The following GAD2 variants were observed in gnomAD, a reference collection of about 807,000 sequenced individuals.
GAD2 encodes 65 kDa glutamic acid decarboxylase.
Under a neutral mutation model 80.1 loss-of-function variants are expected in GAD2, and 22 were observed. The observed-to-expected ratio is 0.27, with a 90% CI of 0.20 to 0.39. The LOEUF (loss-of-function observed/expected upper bound fraction) is 0.39. GAD2 is among the 10% of genes least tolerant of loss of function. GAD2 has a pLI of 1.00. For missense variants in GAD2, 624 were observed against 738.4 expected (o/e 0.85, Z 1.80); for synonymous variants, 274 against 256.9 (o/e 1.07, Z -0.64).
At chr10:26,269,681 A>G (rs1414054306) in intron 9 of GAD2, among the ~76,000 whole-genome samples, 1 of 152,232 alleles carries the variant, frequency 6.6e-6, no homozygotes, top group Admixed American at 6.5e-5. Flanking sequence ...CTAGAAAGTC[A>G]TTTACAACCT....
chr10:26,247,542 C>G (rs536558106), intron 8 of GAD2, among the ~76,000 whole-genome samples: 7 of 152,226 alleles, frequency 4.6e-5, no homozygotes, highest in South Asian at 2.1e-4. Flanking sequence ...CAAGCCTTAG[C>G]AGAGGCATGG....
chr10:26,279,343 C>A (rs1213481175), intron 11 of GAD2, among the ~76,000 whole-genome samples: 1 of 152,162 alleles, frequency 6.6e-6, no homozygotes, highest in Non-Finnish European at 1.5e-5. Context: ...GAGGAAACAG[C>A]ATGATGAGAC....
Position 26,217,720 on chromosome 10 carries a change from A to G in GAD2, c.136+51A>G, listed in dbSNP as rs1844395204. ...CAAGGTCGGCCCGCGGGGTCCAAGC[A>G]GTCTTCTCACCTCCGCATCCCAGTC... On this transcript the variant is annotated intron_variant, in intron 2 of 15. Coordinates refer to ENST00000376261, the MANE Select transcript of GAD2 (RefSeq NM_001134366.2). This position sits in a 1 kb window ranked among gnomAD's most constrained non-coding sequence, Gnocchi z 4.9. 6.2e-7 allele frequency: 1 copy of G among 1,600,630 alleles called. No individual in the cohort carries two copies. The highest frequency in any genetic ancestry group is 8.5e-7 in the Non-Finnish European group (1 of 1,172,980).
intron 3 of GAD2, among the ~76,000 whole-genome samples, chr10:26,218,688 G>A (rs8190599): frequency 3.4e-4 from 52 of 152,106 alleles, no homozygotes; most frequent in African/African-American, 1.0e-3. Context: ...CACTTCTGAC[G>A]TGAAATATTT....
chr10:26,253,701 C>A (rs1194911823), intron 8 of GAD2, among the ~76,000 whole-genome samples: 5 of 152,130 alleles, frequency 3.3e-5, no homozygotes, highest in Non-Finnish European at 5.9e-5. Flanking sequence ...TGGATGTAGT[C>A]CAGTCTAGCG....
chr10:26,272,537 G>T (rs1214000030), intron 10 of GAD2, among the ~76,000 whole-genome samples: 1 of 136,542 alleles, frequency 7.3e-6, no homozygotes, highest in East Asian at 2.0e-4. Context: ...TCTTAAAATA[G>T]TACACGTTTG....
chr10:26,270,819 A>G, intron 10 of GAD2, 63 bp downstream of exon 10: 1 of 1,052,028 alleles, frequency 9.5e-7, no homozygotes, highest in Non-Finnish European at 1.5e-6. Context: ...TGGGACACAC[A>G]AAGGAAATTT....
At chr10:26,297,317 T>C (rs1834285190) in intron 15 of GAD2, among the ~76,000 whole-genome samples, 1 of 152,240 alleles carries the variant, frequency 6.6e-6, no homozygotes. Context: ...AAAGAGGTTT[T>C]CTAAGACATA....
At chr10:26,271,418 A>C (rs1738129964) in intron 10 of GAD2, among the ~76,000 whole-genome samples, 1 of 152,204 alleles carries the variant, frequency 6.6e-6, no homozygotes, top group Admixed American at 6.5e-5. Flanking sequence ...AAGGGATTTA[A>C]GTTTAGATTA....
At chr10:26,230,764 T>C (rs1220692885) in intron 7 of GAD2, among the ~76,000 whole-genome samples, 1 of 151,944 alleles carries the variant, frequency 6.6e-6, no homozygotes, top group Admixed American at 6.6e-5. Flanking sequence ...CATCTTTGGC[T>C]GACTTGACCA....
At chr10:26,216,660 G>GT (rs1461304873), upstream of GAD2, 1 of 508,312 alleles carries the variant, frequency 2.0e-6, no homozygotes, top group African/African-American at 2.1e-5. This position sits in a 1 kb window ranked among gnomAD's most constrained non-coding sequence, Gnocchi z 4.7. Context: ...CTGTTCCTGC[G>GT]TGACACCCGC....
At chr10:26,226,388 C>T (rs1292663826) in intron 6 of GAD2, among the ~76,000 whole-genome samples, 5 of 152,322 alleles carry the variant, frequency 3.3e-5, no homozygotes, top group African/African-American at 1.2e-4. Flanking sequence ...TTATAGGCTT[C>T]CTTGGAGCCT....
chr10:26,299,054 A>G (rs934660119), intron 15 of GAD2, among the ~76,000 whole-genome samples: 1 of 152,208 alleles, frequency 6.6e-6, no homozygotes, highest in African/African-American at 2.4e-5. Context: ...AACTCAATGT[A>G]GAGTCAGAAG....
intron 8 of GAD2, among the ~76,000 whole-genome samples, chr10:26,264,011 C>T (rs975858673): frequency 6.6e-6 from 1 of 152,160 alleles, no homozygotes; most frequent in African/African-American, 2.4e-5. Context: ...AATCTGCCTC[C>T]TGCTAGCTGT....
rs8190763 is a variant in GAD2, at chr10:26,285,253, C to T, written c.1237-1092C>T. Among the ~76,000 whole-genome samples, 1,208 of 152,230 alleles carry T rather than the reference C, an allele frequency of 7.9e-3. 19 individuals carry two copies. Among genetic ancestry groups the T allele is most frequent in the African/African-American group, 0.027 (1,136 of 41,528 alleles). Reference sequence around the variant, plus strand: ...TCTGTTGTCTACCATTTCAGCACTCCGTCTTTCAAAACCAAATTAAAATTG... The same window carrying T: ...TCTGTTGTCTACCATTTCAGCACTCTGTCTTTCAAAACCAAATTAAAATTG... On this transcript the variant is annotated intron_variant, in intron 12 of 15. Transcript: ENST00000376261.
At chr10:26,287,334 AG>A (rs1031397807) in intron 13 of GAD2, among the ~76,000 whole-genome samples, 34 of 152,218 alleles carry the variant, frequency 2.2e-4, no homozygotes, top group African/African-American at 8.2e-4. Context: ...TAAGAAAGTG[AG>A]AAAGGGGGCG....
chr10:26,218,075 G>A (rs985952234), intron 3 of GAD2, 84 bp downstream of exon 3: 5 of 1,421,078 alleles, frequency 3.5e-6, no homozygotes, highest in South Asian at 1.4e-5. Flanking sequence ...CCGGCGCTGA[G>A]AGCCGGACAG....
At chr10:26,281,171 G>C in intron 12 of GAD2, 84 bp downstream of exon 12, 1 of 993,066 alleles carries the variant, frequency 1.0e-6, no homozygotes, top group African/African-American at 1.6e-5. Context: ...GAAATGTCAA[G>C]ATCACCGGGT....
chr10:26,261,292 T>G (rs1337838989), intron 8 of GAD2, among the ~76,000 whole-genome samples: 2 of 152,200 alleles, frequency 1.3e-5, no homozygotes, highest in African/African-American at 4.8e-5. Flanking sequence ...CCTAGAAATT[T>G]TGTGTTATTA....
Sources: allele counts gnomAD v4.1 joint callset (sites outside exome capture counted in the v4.1 genomes callset), GRCh38; gene constraint gnomAD v4.1.1; non-coding constraint Gnocchi (gnomAD v3.1); transcripts MANE v1.5; gene names NCBI Gene and HGNC (gene_info 2026-07-23, HGNC 2026-07-21).